SCEL: variants seen among roughly 807,000 people sequenced by gnomAD.
The protein encoded by SCEL is sciellin.
Under a neutral mutation model 117.6 loss-of-function variants are expected in SCEL, and 113 were observed. The observed-to-expected ratio is 0.96, with a 90% CI of 0.83 to 1.12. The LOEUF (loss-of-function observed/expected upper bound fraction) is 1.12. SCEL is among the 50% of genes most tolerant of loss of function. The pLI is 0.00. For missense variants in SCEL, 785 were observed against 810.8 expected, an observed-to-expected ratio of 0.97 and a Z score of 0.39; for synonymous variants, 270 against 256.2, an observed-to-expected ratio of 1.05 and a Z score of -0.51.
Position 77,617,824 on chromosome 13 carries a change from C to T in SCEL, c.1533C>T (p.Leu511=), listed in dbSNP as rs1361435759. The T allele has an allele frequency of 1.9e-6, 3 of 1,611,516 alleles. No individual in the cohort carries two copies. Among genetic ancestry groups the T allele is most frequent in the Middle Eastern group, 1.7e-4 (1 of 6,048 alleles). The change falls in exon 26 of 33, where the codon CTC becomes CTT. Residue 511 remains leucine, a synonymous_variant. Transcript: ENST00000349847. ...NNQRNQDLAN[L]IKVNPAVIRN... is the part of the protein sequence containing the mutation. ...AAAGAAACCAAGATCTTGCTAACCT[C>T]ATCAAAGTAAATCCTGCAGTAATCA...
At chr13:77,569,945 T>C (rs1024349560) in intron 8 of SCEL, among the ~76,000 whole-genome samples, 1 of 152,188 alleles carries the variant, frequency 6.6e-6, no homozygotes, top group African/African-American at 2.4e-5. Flanking sequence ...CTGCTGGTGC[T>C]GAGTCCTATG....
intron 4 of SCEL, among the ~76,000 whole-genome samples, chr13:77,562,683 T>A (rs2085052329): frequency 6.6e-6 from 1 of 151,928 alleles, no homozygotes; most frequent in African/African-American, 2.4e-5. Context: ...GCAGCTATAG[T>A]TATTTTATTC....
Position 77,617,827 on chromosome 13 carries a change from C to T in SCEL, c.1536C>T (p.Ile512=). ...GAAACCAAGATCTTGCTAACCTCAT[C>T]AAAGTAAATCCTGCAGTAATCAGAA... The part of the protein sequence containing the change: ...NQRNQDLANL[I]KVNPAVIRNN... The change falls in exon 26 of 33, where the codon ATC becomes ATT. Residue 512 remains isoleucine (I), a synonymous_variant. Coordinates refer to ENST00000349847, the MANE Select transcript of SCEL (RefSeq NM_144777.3). 1 of 1,611,540 alleles carries T rather than the reference C, an allele frequency of 6.2e-7. No homozygotes were observed. The highest frequency in any genetic ancestry group is 2.2e-5 in the East Asian group (1 of 44,850).
intron 32 of SCEL, among the ~76,000 whole-genome samples, 185 bp downstream of exon 32, chr13:77,642,993 A>G (rs1454708088): frequency 1.3e-5 from 2 of 152,266 alleles, no homozygotes; most frequent in Middle Eastern, 3.4e-3. Context: ...CAACTTTTGT[A>G]TTGTCTTCTG....
At chr13:77,641,660 T>C (rs1391971891) in intron 31 of SCEL, among the ~76,000 whole-genome samples, 1 of 152,186 alleles carries the variant, frequency 6.6e-6, no homozygotes, top group Non-Finnish European at 1.5e-5. Context: ...GCTCCTTGAT[T>C]AATCTAATGT....
At chr13:77,617,404 G>T (rs961640768) in intron 24 of SCEL, among the ~76,000 whole-genome samples, 195 bp from the exon 25 acceptor site, 1 of 152,066 alleles carries the variant, frequency 6.6e-6, no homozygotes, top group Admixed American at 6.6e-5. Flanking sequence ...ACAAGAAAAT[G>T]TATGAAATTA....
At chr13:77,545,307 A>C (rs1272435827) in intron 1 of SCEL, among the ~76,000 whole-genome samples, 1 of 152,204 alleles carries the variant, frequency 6.6e-6, no homozygotes, top group East Asian at 1.9e-4. Flanking sequence ...CAAAGTGTCA[A>C]TATGTGGGTG....
intron 1 of SCEL, among the ~76,000 whole-genome samples, chr13:77,550,941 C>T (rs1211182776): frequency 6.6e-6 from 1 of 152,186 alleles, no homozygotes; most frequent in Non-Finnish European, 1.5e-5. Flanking sequence ...TGCCCTGGTA[C>T]CAAGCACTTG....
chr13:77,588,548 C>T (rs531339321), intron 9 of SCEL, among the ~76,000 whole-genome samples: 5 of 152,182 alleles, frequency 3.3e-5, no homozygotes, highest in African/African-American at 4.8e-5. Flanking sequence ...GTTCCTACCT[C>T]ATTAAGTCCT....
At chr13:77,593,274 GTGTGTGTGTGTGTGTGTGTGTGTC>G (rs2086989909) in intron 11 of SCEL, among the ~76,000 whole-genome samples, 1 of 107,364 alleles carries the variant, frequency 9.3e-6, no homozygotes, top group South Asian at 2.8e-4. Flanking sequence ...GTGTGTGTGT[GTGTGTGTGTGTGTGTGTGTGTGTC>G]TGTGTGTGTG....
At chr13:77,568,240 G>A (rs1016938388) in intron 6 of SCEL, 55 bp from the exon 7 acceptor site, 2 of 1,115,988 alleles carry the variant, frequency 1.8e-6, no homozygotes, top group African/African-American at 3.1e-5. Flanking sequence ...ATTCCAAATA[G>A]ATGCAAATGT....
intron 1 of SCEL, among the ~76,000 whole-genome samples, chr13:77,539,168 T>A (rs961542345): frequency 6.6e-6 from 1 of 152,082 alleles, no homozygotes; most frequent in Non-Finnish European, 1.5e-5. Context: ...AACGGTGACA[T>A]GTATGAGTAT....
intron 9 of SCEL, among the ~76,000 whole-genome samples, chr13:77,582,746 G>A (rs1282366960): frequency 6.6e-6 from 1 of 151,988 alleles, no homozygotes; most frequent in Non-Finnish European, 1.5e-5. Context: ...AATTTATCAA[G>A]CTTTGTTAAA....
At chr13:77,617,949 A>G (rs2089176107) in intron 26 of SCEL, 55 bp from the exon 27 acceptor site, 7 of 1,593,268 alleles carry the variant, frequency 4.4e-6, no homozygotes, top group Non-Finnish European at 4.3e-6. Flanking sequence ...TTGACCTAGC[A>G]CAACCCCAAA....
chr13:77,552,926 T>A (rs201655150), intron 1 of SCEL, among the ~76,000 whole-genome samples: 4,146 of 152,296 alleles, frequency 0.027, 159 homozygotes, highest in African/African-American at 0.094. Context: ...TTTCTACATA[T>A]GGCTAGCCAG....
chr13:77,634,642 T>G (rs1314612084), intron 29 of SCEL, among the ~76,000 whole-genome samples, 192 bp downstream of exon 29: 4 of 152,202 alleles, frequency 2.6e-5, no homozygotes, highest in African/African-American at 9.6e-5. Context: ...TAAATAATTA[T>G]AGTCATTAGA....
chr13:77,620,042 T>C (rs2089323732), intron 27 of SCEL, among the ~76,000 whole-genome samples: 1 of 152,200 alleles, frequency 6.6e-6, no homozygotes, highest in Non-Finnish European at 1.5e-5. Context: ...ACATTTTCCG[T>C]ATACAGATAT....
chr13:77,541,911 T>C (rs1477689353), intron 1 of SCEL, among the ~76,000 whole-genome samples: 1 of 152,238 alleles, frequency 6.6e-6, no homozygotes, highest in Non-Finnish European at 1.5e-5. Context: ...TCATAGTCTG[T>C]GGTCAAAATT....
chr13:77,610,111 G>A lies in SCEL; in HGVS notation c.1337+5G>A. Reference sequence around the variant, plus strand: ...AAGAAACAGAACTAACCAAGGGTAAGGTTTATGGAACTCTCTATTTCTCCC... The same window carrying A: ...AAGAAACAGAACTAACCAAGGGTAAAGTTTATGGAACTCTCTATTTCTCCC... On this transcript the variant is annotated splice_donor_5th_base_variant and intron_variant, in intron 22 of 32. Transcript: ENST00000349847. 1 of 1,600,396 alleles carries A rather than the reference G, an allele frequency of 6.2e-7. No individual in the cohort carries two copies. Among genetic ancestry groups the A allele is most frequent in the African/African-American group, 1.3e-5 (1 of 74,382 alleles).
Sources: allele counts gnomAD v4.1 joint callset (sites outside exome capture counted in the v4.1 genomes callset), GRCh38; gene constraint gnomAD v4.1.1; transcripts MANE v1.5; gene names NCBI Gene and HGNC (gene_info 2026-07-23, HGNC 2026-07-21).